The following HECW2 variants were observed in gnomAD, a reference collection of about 807,000 sequenced individuals.
HECW2 encodes E3 ubiquitin-protein ligase HECW2.
HECW2 carries 61 observed loss-of-function variants against 175.2 expected under a neutral mutation model. The ratio of observed to expected loss-of-function variants is 0.35; its 90% confidence interval spans 0.28 to 0.43. The LOEUF is 0.43. Ranked by LOEUF, HECW2 falls within the 20% of genes least tolerant of loss-of-function variation. HECW2 has a pLI of 1.00. For missense variants in HECW2, 1,524 were observed against 2,000.5 expected (o/e 0.76, Z 4.54); for synonymous variants, 671 against 731.0 (o/e 0.92, Z 1.32).
chr2:196,369,893 GC>G (rs1452764794), intron 2 of HECW2, among the ~76,000 whole-genome samples: 2 of 151,968 alleles, frequency 1.3e-5, no homozygotes, highest in Non-Finnish European at 2.9e-5. Context: ...GGTGAATGCT[GC>G]CAGGCCTGGA....
chr2:196,574,232 C>G (rs1265490156), intron 1 of HECW2, among the ~76,000 whole-genome samples: 1 of 152,084 alleles, frequency 6.6e-6, no homozygotes, highest in Non-Finnish European at 1.5e-5. Context: ...GAGTTCAAAA[C>G]CAGCCTGGCC....
chr2:196,317,503 C>A, intron 9 of HECW2, 134 bp from the exon 10 acceptor site: 1 of 669,422 alleles, frequency 1.5e-6, no homozygotes, highest in Non-Finnish European at 2.6e-6. Context: ...CATATGAGGA[C>A]CTAGAAACAA....
intron 1 of HECW2, among the ~76,000 whole-genome samples, chr2:196,482,423 C>T (rs1686872373): frequency 6.6e-6 from 1 of 152,216 alleles, no homozygotes; most frequent in Admixed American, 6.5e-5. Context: ...CACTCAGCAC[C>T]TGAATCAGGA....
intron 1 of HECW2, among the ~76,000 whole-genome samples, chr2:196,469,118 TGC>T (rs1553520722): frequency 0.023 from 1,804 of 80,152 alleles, 35 homozygotes; most frequent in African/African-American, 0.064. Flanking sequence ...TGTGTGTGTG[TGC>T]GTGTGTGTGT....
chr2:196,372,292 T>C (rs1693928905), intron 2 of HECW2, among the ~76,000 whole-genome samples: 1 of 152,352 alleles, frequency 6.6e-6, no homozygotes, highest in African/African-American at 2.4e-5. Context: ...GATCTCATTT[T>C]GTGGTTTCCC....
chr2:196,559,504 T>C (rs1279177678), intron 1 of HECW2, among the ~76,000 whole-genome samples: 2 of 152,206 alleles, frequency 1.3e-5, no homozygotes, highest in South Asian at 2.1e-4. Flanking sequence ...TGGAGTCCAG[T>C]TGATTACTGC....
chr2:196,439,447 C>T (rs560325099), intron 1 of HECW2, among the ~76,000 whole-genome samples: 27 of 152,312 alleles, frequency 1.8e-4, no homozygotes, highest in African/African-American at 6.5e-4. Context: ...TTCCACATGG[C>T]TCCTGGTTTC....
chr2:196,585,235 G>C (rs901995355), intron 1 of HECW2, among the ~76,000 whole-genome samples: 2 of 152,104 alleles, frequency 1.3e-5, no homozygotes, highest in Admixed American at 1.3e-4. Flanking sequence ...TTTTCCATTA[G>C]ATTCTGTCTT....
At chr2:196,299,485 G>A (rs1440676495) in intron 13 of HECW2, among the ~76,000 whole-genome samples, 2 of 152,148 alleles carry the variant, frequency 1.3e-5, no homozygotes, top group Non-Finnish European at 2.9e-5. Context: ...ACAGGCCACA[G>A]TTGTATCAGA....
chr2:196,397,474 A>C (rs1164816873), intron 2 of HECW2, among the ~76,000 whole-genome samples: 1 of 152,200 alleles, frequency 6.6e-6, no homozygotes, highest in Non-Finnish European at 1.5e-5. Flanking sequence ...GAAATCTTAA[A>C]TTCTTTTTGG....
chr2:196,561,324 G>C (rs77843470), intron 1 of HECW2, among the ~76,000 whole-genome samples: 7,690 of 152,226 alleles, frequency 0.051, 644 homozygotes, highest in African/African-American at 0.17. Flanking sequence ...CTAGTCAGAT[G>C]TGCTCTCTGC....
intron 1 of HECW2, among the ~76,000 whole-genome samples, chr2:196,532,406 C>G (rs528727218): frequency 6.6e-6 from 1 of 152,162 alleles, no homozygotes; most frequent in East Asian, 1.9e-4. Flanking sequence ...CATATTCTCA[C>G]TCATAAGTGG....
intron 2 of HECW2, among the ~76,000 whole-genome samples, chr2:196,418,849 A>G (rs185289419): frequency 1.3e-5 from 2 of 152,178 alleles, no homozygotes; most frequent in Non-Finnish European, 2.9e-5. Flanking sequence ...TATTTAAAAA[A>G]TTTTTTCAGA....
chr2:196,396,179 G>A (rs1293815354), intron 2 of HECW2, among the ~76,000 whole-genome samples: 18 of 152,160 alleles, frequency 1.2e-4, no homozygotes, highest in Admixed American at 1.2e-3. Context: ...AATTCATAGA[G>A]ACAGAAAGTA....
At chr2:196,221,035 G>C (rs1687647032) in intron 24 of HECW2, 94 bp from the exon 25 acceptor site, 10 of 1,365,066 alleles carry the variant, frequency 7.3e-6, no homozygotes, top group Middle Eastern at 1.9e-4. Context: ...CCAGCTACCT[G>C]TCCCAGCCCT....
chr2:196,198,159 T>C lies in HECW2; in HGVS notation c.*3118A>G, dbSNP rs1242376942. 7.2e-5 allele frequency: 11 copies of C among 152,140 alleles called. No individual in the cohort carries two copies. Among genetic ancestry groups the C allele is most frequent in the East Asian group, 1.9e-4 (1 of 5,194 alleles). The allele number at this position is 152,140 out of a possible 1,614,324, so 9.4% of individuals were successfully genotyped here. ...TAGATGAAGGGAAACAGGGAAACTT[T>C]CCCTGTTTTGGCATTTCACTGATAA... On this transcript the variant is annotated 3_prime_UTR_variant, in exon 29 of 29. Coordinates refer to ENST00000644978, the MANE Select transcript of HECW2 (RefSeq NM_001348768.2).
intron 1 of HECW2, among the ~76,000 whole-genome samples, chr2:196,475,159 C>T (rs1686523237): frequency 2.0e-5 from 3 of 152,150 alleles, no homozygotes; most frequent in Non-Finnish European, 2.9e-5. Flanking sequence ...CCCCCACCCA[C>T]CTGGTTCTGT....
At chr2:196,254,914 T>G (rs1688995333) in intron 18 of HECW2, among the ~76,000 whole-genome samples, 1 of 151,852 alleles carries the variant, frequency 6.6e-6, no homozygotes, top group Non-Finnish European at 1.5e-5. Flanking sequence ...CTTTATCCAT[T>G]TTTCTATTGG....
intron 1 of HECW2, among the ~76,000 whole-genome samples, chr2:196,549,295 A>G (rs1481752135): frequency 6.6e-6 from 1 of 151,744 alleles, no homozygotes; most frequent in Non-Finnish European, 1.5e-5. Context: ...TCCTGGTCAC[A>G]CTCCCCTCCC....
Sources: gnomAD v4.1 joint callset for allele counts (sites outside exome capture counted in the v4.1 genomes callset) on GRCh38, gnomAD v4.1.1 for gene constraint, MANE v1.5 for transcripts, NCBI Gene and HGNC (gene_info 2026-07-23, HGNC 2026-07-21) for gene names.